Variants in CTNNA2 observed in about 807,000 individuals in gnomAD.
The protein encoded by CTNNA2 is catenin alpha-2.
A neutral mutation model predicts 101.0 loss-of-function variants in CTNNA2; 42 were observed. The observed-to-expected ratio is 0.42, with a 90% CI of 0.32 to 0.54. The LOEUF (loss-of-function observed/expected upper bound fraction) is 0.54, where lower values mean the gene tolerates loss of function less well. CTNNA2 is among the 20% of genes least tolerant of loss of function. The pLI is 0.14. For synonymous variants in CTNNA2, 450 were observed against 456.4 expected (o/e 0.99, Z 0.18); for missense variants, 871 against 1,223.1 (o/e 0.71, Z 4.29).
chr2:80,134,823 T>A (rs1171956711), intron 7 of CTNNA2, among the ~76,000 whole-genome samples: 2 of 152,182 alleles, frequency 1.3e-5, no homozygotes, highest in African/African-American at 4.8e-5. Flanking sequence ...TTAAGTAGAT[T>A]TTCCATTTGC....
At chr2:79,958,737 A>C (rs1689419133) in intron 7 of CTNNA2, among the ~76,000 whole-genome samples, 1 of 152,188 alleles carries the variant, frequency 6.6e-6, no homozygotes, top group Admixed American at 6.5e-5. Context: ...TTTTTAGCAC[A>C]AGAATAAACA....
intron 7 of CTNNA2, among the ~76,000 whole-genome samples, chr2:80,369,544 A>G (rs1489569287): frequency 6.6e-6 from 1 of 152,006 alleles, no homozygotes; most frequent in Non-Finnish European, 1.5e-5. Context: ...AAGTCCTGGA[A>G]CCCATGAATA....
chr2:80,581,887 T>G, intron 14 of CTNNA2, 68 bp downstream of exon 14: 2 of 929,444 alleles, frequency 2.2e-6, no homozygotes, highest in Non-Finnish European at 3.5e-6. Context: ...TTTGAGGGTA[T>G]TTCTAAACTC....
chr2:80,295,240 G>A (rs200014385), intron 7 of CTNNA2, among the ~76,000 whole-genome samples: 33 of 112,168 alleles, frequency 2.9e-4, no homozygotes, highest in African/African-American at 1.1e-3. Context: ...TTTTTTTTTT[G>A]TGGGTAGGGG....
chr2:79,966,378 G>A (rs1207006317), intron 7 of CTNNA2, among the ~76,000 whole-genome samples: 4 of 152,086 alleles, frequency 2.6e-5, no homozygotes, highest in Non-Finnish European at 4.4e-5. Context: ...TGGGACCACA[G>A]GCCCCCTCCA....
Position 80,619,086 on chromosome 2 carries a change from CAGG to C in CTNNA2, c.2435_2437del (p.Gly812del). ...TTTTCTGTATCTCTCGGAAATCAGA[CAGG>C]AGTTCAGAGCACTTTCACTACCTTT... On this transcript the variant is annotated inframe_deletion and splice_region_variant, in exon 18 of 19. Coordinates refer to ENST00000402739, the MANE Select transcript of CTNNA2 (RefSeq NM_001282597.3). The C allele has an allele frequency of 8.7e-6, 13 of 1,488,040 alleles. No individual in the cohort carries two copies. The highest frequency in any genetic ancestry group is 1.1e-5 in the Non-Finnish European group (12 of 1,114,472). The allele number at this position is 1,488,040 out of a possible 1,614,324, so 92.2% of individuals were successfully genotyped here.
chr2:79,948,510 C>T (rs967244622), intron 7 of CTNNA2, among the ~76,000 whole-genome samples: 2 of 152,190 alleles, frequency 1.3e-5, no homozygotes, highest in African/African-American at 4.8e-5. Context: ...GTGCTGCAAA[C>T]AGTGCATGGC....
intron 9 of CTNNA2, among the ~76,000 whole-genome samples, chr2:80,507,856 A>G (rs1321258762): frequency 6.6e-6 from 1 of 152,190 alleles, no homozygotes; most frequent in Admixed American, 6.5e-5. Flanking sequence ...AGTCAAATAG[A>G]TGGCTGTCAA....
At chr2:80,642,962 GA>G (rs1414397718) in intron 18 of CTNNA2, among the ~76,000 whole-genome samples, 1 of 151,884 alleles carries the variant, frequency 6.6e-6, no homozygotes, top group East Asian at 1.9e-4. Context: ...AGAGGCAGGG[GA>G]AAAAAAGACA....
At chr2:80,324,861 C>T (rs192484099) in intron 7 of CTNNA2, among the ~76,000 whole-genome samples, 114 of 152,194 alleles carry the variant, frequency 7.5e-4, no homozygotes, top group African/African-American at 2.4e-3. Context: ...ATCTCCTTTT[C>T]GTCACTCAAG....
In CTNNA2 at chr2:80,302,798, T is replaced by C. The variant is rs1311314067; in HGVS notation, c.1057-90413T>C. The C allele has an allele frequency of 1.2e-6, 2 of 1,613,576 alleles. No homozygotes were observed. The highest frequency in any genetic ancestry group is 1.7e-6 in the Non-Finnish European group (2 of 1,179,938). Reference sequence around the variant, plus strand: ...CTGTGCGTACTCCGGGCTGGCGCACTGCAAGTTGCCATCGTAGCGCCCCTG... The same window carrying C: ...CTGTGCGTACTCCGGGCTGGCGCACCGCAAGTTGCCATCGTAGCGCCCCTG... On this transcript the variant is annotated intron_variant, in intron 7 of 18. Coordinates refer to ENST00000402739, the MANE Select transcript of CTNNA2 (RefSeq NM_001282597.3). The surrounding 1 kb of genome is among the most constrained non-coding windows in gnomAD (Gnocchi z 6.4).
At chr2:79,919,623 A>G (rs1686513961) in intron 7 of CTNNA2, among the ~76,000 whole-genome samples, 1 of 152,190 alleles carries the variant, frequency 6.6e-6, no homozygotes, top group Non-Finnish European at 1.5e-5. Context: ...TTCAAAGAAG[A>G]CCTCACAAAA....
intron 7 of CTNNA2, among the ~76,000 whole-genome samples, chr2:80,044,553 A>C (rs1327634266): frequency 6.6e-6 from 1 of 152,078 alleles, no homozygotes; most frequent in African/African-American, 2.4e-5. Flanking sequence ...CTTGAGAACC[A>C]CAATTAGCAA....
intron 7 of CTNNA2, among the ~76,000 whole-genome samples, chr2:80,074,917 C>T (rs181537462): frequency 1.0e-3 from 152 of 152,318 alleles, no homozygotes; most frequent in Non-Finnish European, 6.0e-4. Flanking sequence ...ACTTCAAAAT[C>T]TGTGCTACTT....
rs564726300 is a variant in CTNNA2, at chr2:80,639,627, T to C, written c.2575-7958T>C. On this transcript the variant is annotated intron_variant, in intron 18 of 18. Coordinates refer to ENST00000402739, the MANE Select transcript of CTNNA2 (RefSeq NM_001282597.3). Reference sequence around the variant, plus strand: ...CTTCCTTGTTAAAATATGCAACCAATTTTTATCACCTGATTTAAAATCATC... The same window carrying C: ...CTTCCTTGTTAAAATATGCAACCAACTTTTATCACCTGATTTAAAATCATC... Among the ~76,000 whole-genome samples, 5 of 152,244 alleles carry C rather than the reference T, an allele frequency of 3.3e-5. No homozygotes were observed. The South Asian group carries it at 1.0e-3, about 32-fold the overall frequency.
At chr2:80,574,128 A>G (rs767675945) in intron 12 of CTNNA2, 35 bp from the exon 13 acceptor site, 12 of 1,589,874 alleles carry the variant, frequency 7.5e-6, no homozygotes, top group Non-Finnish European at 1.0e-5. Flanking sequence ...TGAGAGAGAA[A>G]TTGCCTAATC....
intron 2 of CTNNA2, among the ~76,000 whole-genome samples, chr2:79,270,506 C>T (rs927827168): frequency 2.0e-5 from 3 of 152,230 alleles, no homozygotes; most frequent in Admixed American, 2.0e-4. Context: ...ACACACTGGA[C>T]TCTGATATTG....
At chr2:80,117,864 TG>T (rs1260045105) in intron 7 of CTNNA2, among the ~76,000 whole-genome samples, 1 of 152,206 alleles carries the variant, frequency 6.6e-6, no homozygotes, top group Non-Finnish European at 1.5e-5. Context: ...CCTCTGACCC[TG>T]GAAAGAAGAC....
chr2:80,452,133 C>T (rs918178996), intron 9 of CTNNA2, among the ~76,000 whole-genome samples: 2 of 152,178 alleles, frequency 1.3e-5, no homozygotes, highest in Non-Finnish European at 2.9e-5. Flanking sequence ...CTATTATTTT[C>T]ATTTTACAGA....
Sources: allele counts gnomAD v4.1 joint callset (sites outside exome capture counted in the v4.1 genomes callset), GRCh38; gene constraint gnomAD v4.1.1; non-coding constraint Gnocchi (gnomAD v3.1); transcripts MANE v1.5; gene names NCBI Gene and HGNC (gene_info 2026-07-23, HGNC 2026-07-21).